APBB2: variants seen among roughly 807,000 people sequenced by gnomAD.
APBB2 encodes amyloid beta precursor protein binding family B member 2.
APBB2 carries 38 observed loss-of-function variants against 82.5 expected under a neutral mutation model. The observed-to-expected ratio is 0.46, with a 90% confidence interval of 0.36 to 0.60. The LOEUF (loss-of-function observed/expected upper bound fraction) is 0.60. Among genes scored for constraint, APBB2 ranks in the 20% least tolerant of loss-of-function variants. The pLI is 0.00. For synonymous variants in APBB2, 341 were observed against 368.2 expected (o/e 0.93, Z 0.85); for missense variants, 772 against 972.3 (o/e 0.79, Z 2.74).
intron 1 of APBB2, among the ~76,000 whole-genome samples, chr4:41,176,478 G>T (rs1416665392): frequency 6.6e-6 from 1 of 151,358 alleles, no homozygotes; most frequent in Admixed American, 6.6e-5. Context: ...TCCCAATCCT[G>T]CTTGGCCCCC....
chr4:41,048,933 G>A (rs111336243), intron 4 of APBB2, among the ~76,000 whole-genome samples: 13,250 of 152,138 alleles, frequency 0.087, 723 homozygotes, highest in Admixed American at 0.15. Flanking sequence ...CCTCGGTGCC[G>A]GGATTGCAGA....
At chr4:41,203,213 C>G (rs1264807299) in intron 1 of APBB2, among the ~76,000 whole-genome samples, 3 of 151,978 alleles carry the variant, frequency 2.0e-5, no homozygotes, top group African/African-American at 4.8e-5. Context: ...CACATATACA[C>G]ACACACACGT....
At chr4:41,098,119 C>A (rs549959489) in intron 3 of APBB2, among the ~76,000 whole-genome samples, 1 of 151,602 alleles carries the variant, frequency 6.6e-6, no homozygotes, top group East Asian at 1.9e-4. Flanking sequence ...TTTTTTTAAC[C>A]TTAAGGGTAC....
chr4:40,952,971 G>A (rs953732838), intron 6 of APBB2, among the ~76,000 whole-genome samples: 1 of 152,072 alleles, frequency 6.6e-6, no homozygotes, highest in Non-Finnish European at 1.5e-5. Flanking sequence ...TGGGTTTACA[G>A]CCAAAAAGGT....
rs189899174 is a variant in APBB2, at chr4:41,179,509, C to T, written c.-417+34896G>A. Reference sequence around the variant, plus strand: ...CAGGTCTGTTAAATAGTTAACAGCCCTTCTCAAACTTGTCAGCTCAAAAGA... The same window carrying T: ...CAGGTCTGTTAAATAGTTAACAGCCTTTCTCAAACTTGTCAGCTCAAAAGA... On this transcript the variant is annotated intron_variant, in intron 1 of 17. Coordinates refer to ENST00000508593, the MANE Select transcript of APBB2 (RefSeq NM_004307.2). 3.9e-5 allele frequency among the ~76,000 whole-genome samples: 6 copies of T among 152,238 alleles called. No homozygotes were observed. In the East Asian group the frequency reaches 7.7e-4, roughly 20 times the overall value.
intron 10 of APBB2, among the ~76,000 whole-genome samples, chr4:40,911,186 T>A (rs1349959393): frequency 6.6e-6 from 1 of 152,198 alleles, no homozygotes; most frequent in Admixed American, 6.5e-5. Flanking sequence ...AAATAGAGTA[T>A]TTGCAGGATG....
intron 4 of APBB2, among the ~76,000 whole-genome samples, chr4:41,058,659 C>A (rs140069347): frequency 6.6e-6 from 1 of 152,332 alleles, no homozygotes; most frequent in East Asian, 1.9e-4. Flanking sequence ...TTCATGGCAT[C>A]TCAGTAGAGG....
At chr4:40,882,690 G>A (rs1012194886) in intron 12 of APBB2, among the ~76,000 whole-genome samples, 4 of 152,150 alleles carry the variant, frequency 2.6e-5, no homozygotes, top group Non-Finnish European at 2.9e-5. Flanking sequence ...CGTAGTCTGC[G>A]GAGTCCCAGC....
At chr4:40,982,306 GA>G (rs1206901158) in intron 6 of APBB2, among the ~76,000 whole-genome samples, 6,932 of 36,996 alleles carry the variant, frequency 0.19, 2,168 homozygotes, top group East Asian at 0.41. Flanking sequence ...AGGAAGGAAG[GA>G]AAGAAAGAAA....
At chr4:41,209,698 T>A (rs1369888791) in intron 1 of APBB2, among the ~76,000 whole-genome samples, 1 of 152,236 alleles carries the variant, frequency 6.6e-6, no homozygotes, top group East Asian at 1.9e-4. Flanking sequence ...TAGTTTCAAA[T>A]GTCGAATACA....
chr4:41,043,937 T>C (rs549345528), intron 4 of APBB2, among the ~76,000 whole-genome samples: 118 of 152,340 alleles, frequency 7.7e-4, no homozygotes, highest in African/African-American at 2.7e-3. Flanking sequence ...AACCTCTGAA[T>C]TGCCTGCAAA....
At chr4:40,840,820 TTAA>T (rs1198364354) in intron 12 of APBB2, among the ~76,000 whole-genome samples, 3 of 152,070 alleles carry the variant, frequency 2.0e-5, no homozygotes, top group Non-Finnish European at 4.4e-5. Context: ...GGTCCTGGTG[TTAA>T]TATTCAGAGC....
chr4:41,121,693 C>G (rs1170904008), intron 2 of APBB2, among the ~76,000 whole-genome samples: 2 of 152,146 alleles, frequency 1.3e-5, no homozygotes, highest in East Asian at 3.8e-4. Context: ...CCTTTCCCAC[C>G]ATATTCCCTG....
At chr4:41,066,883 G>T (rs35454964) in intron 3 of APBB2, among the ~76,000 whole-genome samples, 2 of 152,060 alleles carry the variant, frequency 1.3e-5, no homozygotes, top group African/African-American at 4.8e-5. Flanking sequence ...GGATTTGAAG[G>T]GGGCAGGGTA....
In APBB2 at chr4:40,879,609, A is replaced by G. The variant is rs1009280835; in HGVS notation, c.1529+10755T>C. On this transcript the variant is annotated intron_variant, in intron 12 of 17. Coordinates refer to ENST00000508593, the MANE Select transcript of APBB2 (RefSeq NM_004307.2). ...GAGATAATTTCTAGATATTAAAAAG[A>G]CAGAATAATACTAAGCTCTCATGTT... Among the ~76,000 whole-genome samples, 3 of 152,324 alleles carry G rather than the reference A, an allele frequency of 2.0e-5. No individual in the cohort carries two copies. The East Asian group carries it at 5.8e-4, about 29-fold the overall frequency.
chr4:41,090,122 A>G (rs1027025334), intron 3 of APBB2, among the ~76,000 whole-genome samples: 13 of 152,212 alleles, frequency 8.5e-5, no homozygotes, highest in Non-Finnish European at 1.9e-4. Flanking sequence ...ATCAGAAGAC[A>G]TAATTTAAAA....
At chr4:41,021,825 T>G (rs1579310826) in intron 5 of APBB2, among the ~76,000 whole-genome samples, 1 of 152,162 alleles carries the variant, frequency 6.6e-6, no homozygotes, top group Non-Finnish European at 1.5e-5. Context: ...TTATGAGCTA[T>G]AACACTCACT....
intron 4 of APBB2, among the ~76,000 whole-genome samples, chr4:41,043,797 G>A (rs1187544232): frequency 3.3e-5 from 5 of 152,136 alleles, no homozygotes; most frequent in African/African-American, 1.2e-4. Context: ...TGTCTTTTAA[G>A]TTATTTAATC....
At chr4:41,164,048 G>A (rs1333578767) in intron 1 of APBB2, among the ~76,000 whole-genome samples, 2 of 152,100 alleles carry the variant, frequency 1.3e-5, no homozygotes, top group African/African-American at 4.8e-5. Flanking sequence ...GTAGAGTTTC[G>A]GATTTTGTAT....
Sources: gnomAD v4.1 joint callset for allele counts (sites outside exome capture counted in the v4.1 genomes callset) on GRCh38, gnomAD v4.1.1 for gene constraint, MANE v1.5 for transcripts, NCBI Gene and HGNC (gene_info 2026-07-23, HGNC 2026-07-21) for gene names.